The following CAMK4 variants were observed in gnomAD, a reference collection of about 807,000 sequenced individuals.
CAMK4 encodes the protein calcium/calmodulin dependent protein kinase IV.
A neutral mutation model predicts 44.9 loss-of-function variants in CAMK4; 22 were observed. The observed-to-expected ratio is 0.49, with a 90% CI of 0.35 to 0.70. CAMK4 has a LOEUF of 0.70. Ranked by LOEUF, CAMK4 falls within the 30% of genes least tolerant of loss-of-function variation. CAMK4 has a pLI of 0.01. For missense variants in CAMK4, 498 were observed against 586.8 expected (o/e 0.85, Z 1.56); for synonymous variants, 218 against 215.4 (o/e 1.01, Z -0.11).
intron 7 of CAMK4, among the ~76,000 whole-genome samples, chr5:111,456,917 C>G (rs1410626759): frequency 1.3e-5 from 2 of 152,158 alleles, no homozygotes; most frequent in African/African-American, 4.8e-5. Flanking sequence ...TACAGGAAGA[C>G]AAAGTCTCCT....
At position 111,449,130 on chromosome 5, in the gene CAMK4, T is replaced by C; in HGVS notation, c.552T>C (p.Ala184=). Residue 184 remains alanine (A), a splice_region_variant and synonymous_variant, in exon 7 of 11, where the codon GCT becomes GCC. Transcript: ENST00000282356. The stretch of plus-strand genomic sequence containing the variant: ...TAAATTTTTTTCTTGTGTTATTAGC[T>C]GATTTTGGACTCTCTAAAATTGTGG... The part of the protein sequence containing the change: ...TPAPDAPLKI[A]DFGLSKIVEH... The C allele has an allele frequency of 6.7e-7, 1 of 1,492,516 alleles. No homozygotes were observed. Among genetic ancestry groups the C allele is most frequent in the East Asian group, 2.3e-5 (1 of 44,082 alleles). The allele number at this position is 1,492,516 out of a possible 1,614,324, so 92.5% of individuals were successfully genotyped here.
intron 4 of CAMK4, among the ~76,000 whole-genome samples, chr5:111,391,825 A>G (rs1751812223): frequency 6.6e-6 from 1 of 152,188 alleles, no homozygotes; most frequent in Non-Finnish European, 1.5e-5. Flanking sequence ...AAGACTTTAA[A>G]TTAAAAGAAA....
chr5:111,226,613 A>G (rs1315657724), intron 1 of CAMK4, among the ~76,000 whole-genome samples: 1 of 152,264 alleles, frequency 6.6e-6, no homozygotes, highest in Non-Finnish European at 1.5e-5. Flanking sequence ...AGCCTATTTT[A>G]TAATAACTGT....
intron 1 of CAMK4, among the ~76,000 whole-genome samples, chr5:111,248,711 A>G (rs143753902): frequency 1.3e-3 from 198 of 152,310 alleles, no homozygotes; most frequent in Non-Finnish European, 2.3e-3. Flanking sequence ...TTGTGATGAT[A>G]TATTATCAGA....
chr5:111,276,122 AATATT>A (rs1554056720), intron 1 of CAMK4, among the ~76,000 whole-genome samples: 2 of 152,156 alleles, frequency 1.3e-5, no homozygotes, highest in Non-Finnish European at 2.9e-5. Flanking sequence ...AGGTTTGAGA[AATATT>A]CAGTTATAAT....
At chr5:111,273,588 C>G (rs185660235) in intron 1 of CAMK4, among the ~76,000 whole-genome samples, 98 of 148,998 alleles carry the variant, frequency 6.6e-4, no homozygotes, top group Middle Eastern at 3.5e-3. Context: ...CAAAATTCCT[C>G]TTGACTGCTT....
chr5:111,225,208 G>T (rs1243974582), intron 1 of CAMK4, among the ~76,000 whole-genome samples: 1 of 152,204 alleles, frequency 6.6e-6, no homozygotes, highest in African/African-American at 2.4e-5. Context: ...ATGAACTAGT[G>T]TGGCTTTAAA....
In CAMK4 at chr5:111,402,048, G is replaced by A. The variant is rs113409634; in HGVS notation, c.459+7266G>A. Among the ~76,000 whole-genome samples, 510 of 152,342 alleles carry A rather than the reference G, an allele frequency of 3.3e-3. 3 individuals carry two copies. The highest frequency in any genetic ancestry group is 0.012 in the African/African-American group (495 of 41,576). On this transcript the variant is annotated intron_variant, in intron 5 of 10. Coordinates refer to ENST00000282356, the MANE Select transcript of CAMK4 (RefSeq NM_001744.6). ...TGGATTCAACTGTTGTTCCTGGAAC[G>A]ACCTGCCACTGCAGGATGAAAGAGT...
chr5:111,446,754 C>G lies in CAMK4; in HGVS notation c.528C>G (p.Ala176=), dbSNP rs747545233. The G allele has an allele frequency of 4.4e-6, 7 of 1,604,706 alleles. No homozygotes were observed. The African/African-American group carries it at 9.4e-5, about 21-fold the overall frequency. ...AGAATCTTCTTTATGCAACTCCAGCCCCAGATGCACCACTCAAAATCGGTG... is the reference window on the plus strand; with the variant it reads ...AGAATCTTCTTTATGCAACTCCAGCGCCAGATGCACCACTCAAAATCGGTG... ...KPENLLYATP[A]PDAPLKIADF... Residue 176 remains alanine, a synonymous_variant, in exon 6 of 11, where the codon GCC becomes GCG. Coordinates refer to ENST00000282356, the MANE Select transcript of CAMK4 (RefSeq NM_001744.6).
At chr5:111,435,649 A>G (rs970395459) in intron 5 of CAMK4, among the ~76,000 whole-genome samples, 3 of 152,106 alleles carry the variant, frequency 2.0e-5, no homozygotes, top group African/African-American at 7.2e-5. Flanking sequence ...GCTCCAATCT[A>G]ATCTCTTCTT....
At chr5:111,445,906 C>T (rs75537077) in intron 5 of CAMK4, among the ~76,000 whole-genome samples, 2,785 of 152,160 alleles carry the variant, frequency 0.018, 76 homozygotes, top group African/African-American at 0.064. Flanking sequence ...TGGGAAAAAA[C>T]GTTTCAAACT....
chr5:111,261,801 C>T (rs1242195631), intron 1 of CAMK4, among the ~76,000 whole-genome samples: 1 of 152,138 alleles, frequency 6.6e-6, no homozygotes, highest in Non-Finnish European at 1.5e-5. Context: ...CTGCTTCTCT[C>T]CCCTTGTGAA....
chr5:111,413,353 C>T (rs913308853), intron 5 of CAMK4, among the ~76,000 whole-genome samples: 17 of 151,930 alleles, frequency 1.1e-4, no homozygotes, highest in African/African-American at 4.1e-4. Context: ...CTGAGGCAGG[C>T]AGATCTCGAG....
chr5:111,236,200 G>A (rs746293439), intron 1 of CAMK4, among the ~76,000 whole-genome samples: 15 of 152,330 alleles, frequency 9.8e-5, no homozygotes, highest in Admixed American at 9.8e-4. Context: ...TGGGAAGTAG[G>A]AGATAATGAC....
chr5:111,376,111 G>T (rs936703590), intron 3 of CAMK4, among the ~76,000 whole-genome samples: 1 of 151,952 alleles, frequency 6.6e-6, no homozygotes, highest in Non-Finnish European at 1.5e-5. Context: ...TTAAAGTAGG[G>T]AGAAAAGGGC....
At chr5:111,398,223 A>G (rs1752092917) in intron 5 of CAMK4, among the ~76,000 whole-genome samples, 1 of 152,214 alleles carries the variant, frequency 6.6e-6, no homozygotes, top group Admixed American at 6.5e-5. Flanking sequence ...CTCAAAATGA[A>G]CACAAATATC....
chr5:111,316,411 A>G (rs564458322), intron 1 of CAMK4, among the ~76,000 whole-genome samples: 1 of 152,296 alleles, frequency 6.6e-6, no homozygotes, highest in East Asian at 1.9e-4. Flanking sequence ...TTGCAAACAT[A>G]CTTTGAGTTG....
Position 111,482,714 on chromosome 5 carries a change from G to A in CAMK4, c.829-71G>A. On this transcript the variant is annotated intron_variant, in intron 9 of 10. Transcript: ENST00000282356. The surrounding 1 kb of genome is among the most constrained non-coding windows in gnomAD (Gnocchi z 4.9). ...CTGGGAAATGGAATAAGATCTGGAA[G>A]TTTGTAAGCTGAGGGCAAGCCCAGG... 1 of 1,276,156 alleles carries A rather than the reference G, an allele frequency of 7.8e-7. No homozygotes were observed. Among genetic ancestry groups the A allele is most frequent in the Non-Finnish European group, 1.1e-6 (1 of 913,890 alleles). The allele number at this position is 1,276,156 out of a possible 1,614,324, so 79.1% of individuals were successfully genotyped here. A position where few individuals can be genotyped will look rare whatever the true frequency, so the allele number is the denominator to read the frequency against.
At chr5:111,461,786 C>A (rs887689114) in intron 7 of CAMK4, among the ~76,000 whole-genome samples, 1 of 67,860 alleles carries the variant, frequency 1.5e-5, no homozygotes, top group East Asian at 4.4e-4. Flanking sequence ...TCGCAGAAAA[C>A]ACTGAATTCA....
Sources: gnomAD v4.1 joint callset for allele counts (sites outside exome capture counted in the v4.1 genomes callset) on GRCh38, gnomAD v4.1.1 for gene constraint, Gnocchi (gnomAD v3.1) non-coding constraint, MANE v1.5 for transcripts, NCBI Gene and HGNC (gene_info 2026-07-23, HGNC 2026-07-21) for gene names.